Variants in PCED1B observed in about 807,000 individuals in gnomAD.
The protein encoded by PCED1B is PC-esterase domain containing 1B, also known as PC-esterase domain-containing protein 1B.
For missense variants in PCED1B, 573 were observed against 573.9 expected, an observed-to-expected ratio of 1.00 and a Z score of 0.02; for synonymous variants, 251 against 246.1, an observed-to-expected ratio of 1.02 and a Z score of -0.19.
intron 3 of PCED1B, among the ~76,000 whole-genome samples, chr12:47,218,767 A>C (rs567616013): frequency 6.6e-5 from 10 of 151,372 alleles, no homozygotes; most frequent in African/African-American, 2.4e-4. Context: ...TGGCCTCCCA[A>C]AGTGTTGGGA....
At chr12:47,195,831 A>T (rs1342445966) in intron 2 of PCED1B, among the ~76,000 whole-genome samples, 1 of 152,196 alleles carries the variant, frequency 6.6e-6, no homozygotes, top group Non-Finnish European at 1.5e-5. Flanking sequence ...TATTCATTTT[A>T]TTATGCCCAT....
At chr12:47,099,324 T>G (rs1201248975) in intron 1 of PCED1B, among the ~76,000 whole-genome samples, 1 of 152,212 alleles carries the variant, frequency 6.6e-6, no homozygotes, top group Non-Finnish European at 1.5e-5. Flanking sequence ...GATCACTTAC[T>G]ATCCCCTTTT....
intron 2 of PCED1B, among the ~76,000 whole-genome samples, chr12:47,164,093 A>C (rs1941471188): frequency 6.6e-6 from 1 of 152,142 alleles, no homozygotes; most frequent in Admixed American, 6.5e-5. Flanking sequence ...CTGGGGATCA[A>C]ATTTCAACAA....
chr12:47,097,851 G>A (rs750356992), intron 1 of PCED1B, among the ~76,000 whole-genome samples: 3 of 152,204 alleles, frequency 2.0e-5, no homozygotes, highest in Non-Finnish European at 2.9e-5. Flanking sequence ...TGTGATGGCC[G>A]TGCCACCATT....
intron 2 of PCED1B, among the ~76,000 whole-genome samples, chr12:47,124,587 A>G: frequency 6.6e-6 from 1 of 151,576 alleles, no homozygotes; most frequent in Admixed American, 6.6e-5. Context: ...GAAGATAAGT[A>G]CGAGTGGAAT....
chr12:47,131,367 G>T (rs1940118542), intron 2 of PCED1B, among the ~76,000 whole-genome samples: 1 of 152,180 alleles, frequency 6.6e-6, no homozygotes, highest in South Asian at 2.1e-4. Context: ...GAAACTCAGT[G>T]TATCTATGGC....
At chr12:47,221,270 C>T (rs1194151634) in intron 3 of PCED1B, among the ~76,000 whole-genome samples, 1 of 151,644 alleles carries the variant, frequency 6.6e-6, no homozygotes, top group African/African-American at 2.4e-5. Flanking sequence ...TTGCAACATT[C>T]CCCTCCTCCC....
At chr12:47,104,219 A>G (rs555298088) in intron 2 of PCED1B, 24 bp downstream of exon 2, 2 of 152,314 alleles carry the variant, frequency 1.3e-5, no homozygotes, top group Admixed American at 6.5e-5. Context: ...CCCTGGCTTC[A>G]TGGTAGAAAA....
chr12:47,187,289 C>T (rs934934954), intron 2 of PCED1B, among the ~76,000 whole-genome samples: 2 of 152,064 alleles, frequency 1.3e-5, no homozygotes, highest in Admixed American at 1.3e-4. Context: ...ACCATGGGAT[C>T]TTACCTAAAA....
intron 2 of PCED1B, among the ~76,000 whole-genome samples, chr12:47,162,620 C>T (rs1941423007): frequency 6.6e-6 from 1 of 152,146 alleles, no homozygotes; most frequent in Non-Finnish European, 1.5e-5. Flanking sequence ...AAAGAGGGAG[C>T]AGGCATGCTA....
At chr12:47,114,636 C>A (rs1038262325) in intron 2 of PCED1B, among the ~76,000 whole-genome samples, 1 of 152,140 alleles carries the variant, frequency 6.6e-6, no homozygotes, top group Non-Finnish European at 1.5e-5. Flanking sequence ...ATCTGTAGAG[C>A]TTTCTTAAGA....
At chr12:47,220,742 G>T (rs1395684871) in intron 3 of PCED1B, among the ~76,000 whole-genome samples, 1 of 152,166 alleles carries the variant, frequency 6.6e-6, no homozygotes, top group Non-Finnish European at 1.5e-5. Flanking sequence ...AGAACCAAAG[G>T]TTAAGTAGAG....
chr12:47,196,566 G>T (rs200432469), intron 2 of PCED1B, among the ~76,000 whole-genome samples: 1 of 152,210 alleles, frequency 6.6e-6, no homozygotes, highest in African/African-American at 2.4e-5. Flanking sequence ...CGTGGCTCAC[G>T]CCTGTAATCC....
At chr12:47,176,323 C>G (rs1941923039) in intron 2 of PCED1B, among the ~76,000 whole-genome samples, 1 of 152,052 alleles carries the variant, frequency 6.6e-6, no homozygotes, top group Non-Finnish European at 1.5e-5. Flanking sequence ...GCTCCTAATC[C>G]CTTGGAAATC....
intron 2 of PCED1B, among the ~76,000 whole-genome samples, chr12:47,181,077 C>T (rs7132754): frequency 0.27 from 41,472 of 151,624 alleles, 6,085 homozygotes; most frequent in East Asian, 0.55. Flanking sequence ...CTCAACCTCC[C>T]GGACTCAGGT....
chr12:47,136,085 C>CTTTTTTTTTTTTTTTT (rs57549946), intron 2 of PCED1B: 1 of 131,502 alleles, frequency 7.6e-6, no homozygotes, highest in Non-Finnish European at 1.6e-5. Flanking sequence ...CAATTTCTTT[C>CTTTTTTTTTTTTTTTT]TTTTTTTTTT....
intron 2 of PCED1B, among the ~76,000 whole-genome samples, chr12:47,191,995 AT>A (rs1017973747): frequency 1.3e-5 from 2 of 152,066 alleles, no homozygotes; most frequent in Non-Finnish European, 2.9e-5. Flanking sequence ...GTACATCCTC[AT>A]TAACTCCAAC....
intron 2 of PCED1B, among the ~76,000 whole-genome samples, chr12:47,124,148 A>G (rs1306213196): frequency 2.0e-5 from 3 of 152,034 alleles, no homozygotes; most frequent in Non-Finnish European, 4.4e-5. Context: ...CATCCCAAAA[A>G]GTTCTCTCAT....
intron 2 of PCED1B, among the ~76,000 whole-genome samples, chr12:47,156,881 C>G (rs71462948): frequency 2.6e-5 from 4 of 152,194 alleles, no homozygotes; most frequent in Non-Finnish European, 5.9e-5. Flanking sequence ...TTTGACCTCT[C>G]TAAGCCTCAG....
Sources: allele counts gnomAD v4.1 joint callset (sites outside exome capture counted in the v4.1 genomes callset), GRCh38; gene constraint gnomAD v4.1.1; transcripts MANE v1.5; gene names NCBI Gene and HGNC (gene_info 2026-07-23, HGNC 2026-07-21).